KDM4B: variants seen among roughly 807,000 people sequenced by gnomAD.
KDM4B encodes the protein lysine demethylase 4B, also known as lysine-specific demethylase 4B.
In KDM4B, 32 loss-of-function variants were observed where a neutral mutation model predicts 125.2. That is an observed-to-expected ratio of 0.26 (90% CI 0.19 to 0.34). KDM4B has a LOEUF of 0.34. KDM4B is among the 10% of genes least tolerant of loss of function. KDM4B has a pLI of 1.00. For synonymous variants in KDM4B, 721 were observed against 677.9 expected (o/e 1.06, Z -0.99); for missense variants, 1,190 against 1,577.7 (o/e 0.75, Z 4.16).
chr19:5,095,312 G>A lies in KDM4B; in HGVS notation c.918+12808G>A, dbSNP rs548769147. Reference sequence around the variant, plus strand: ...TGCTATTTGGGTTGATGATTTTATCGGACCACATATAATCATTTTCTCATT... The same window carrying A: ...TGCTATTTGGGTTGATGATTTTATCAGACCACATATAATCATTTTCTCATT... On this transcript the variant is annotated intron_variant, in intron 9 of 22. Coordinates refer to ENST00000159111, the MANE Select transcript of KDM4B (RefSeq NM_015015.3). 4.6e-5 allele frequency among the ~76,000 whole-genome samples: 7 copies of A among 152,280 alleles called. No individual in the cohort carries two copies. The East Asian group carries it at 5.8e-4, about 13-fold the overall frequency.
At position 5,134,019 on chromosome 19, in the gene KDM4B, G is replaced by C; in HGVS notation, c.2043G>C (p.Glu681Asp). 2 of 1,609,074 alleles carry C rather than the reference G, an allele frequency of 1.2e-6. No individual in the cohort carries two copies. Among genetic ancestry groups the C allele is most frequent in the Non-Finnish European group, 1.7e-6 (2 of 1,178,788 alleles). Residue 681 changes from glutamate to aspartate, a missense_variant, in exon 14 of 23, where the codon GAG becomes GAC. Transcript: ENST00000159111. ...RKFNAAAART[E>D]PYCAICTLFY... ...TCAACGCAGCGGCTGCGCGCACGGA[G>C]CCCTACTGCGCCATCTGCACGCTCT...
chr19:5,146,243 C>G (rs569190675), intron 21 of KDM4B, among the ~76,000 whole-genome samples: 40 of 148,766 alleles, frequency 2.7e-4, no homozygotes, highest in African/African-American at 9.9e-4. Flanking sequence ...AGGACCCCCC[C>G]CGCTCCGCCG....
At position 5,119,944 on chromosome 19, in the gene KDM4B, C is replaced by T. The variant is rs1289183554; in HGVS notation, c.1315+92C>T. On this transcript the variant is annotated intron_variant, in intron 11 of 22. Coordinates refer to ENST00000159111, the MANE Select transcript of KDM4B (RefSeq NM_015015.3). ...AACCAGTGCCTGCTACAGCCAGAGT[C>T]CCCGTTTTGTAAGAATCTGATTCAG... 4.9e-6 allele frequency: 7 copies of T among 1,417,946 alleles called. No individual in the cohort carries two copies. The Admixed American group carries it at 1.8e-4, about 37-fold the overall frequency. 87.8% of individuals were successfully genotyped at this position (1,417,946 alleles called of 1,614,324 possible).
rs1229652396 is a variant in KDM4B, at chr19:5,093,828, G to A, written c.918+11324G>A. Among the ~76,000 whole-genome samples, 4 of 152,236 alleles carry A rather than the reference G, an allele frequency of 2.6e-5. No individual in the cohort carries two copies. The East Asian group carries it at 7.7e-4, about 29-fold the overall frequency. ...TGAGGCCATCGAGGTCCAGGGAGGA[G>A]ACAGGACACGAACAAGGGTGGAAGG... On this transcript the variant is annotated intron_variant, in intron 9 of 22. Transcript: ENST00000159111.
intron 9 of KDM4B, among the ~76,000 whole-genome samples, chr19:5,108,904 C>A (rs1224662501): frequency 6.6e-6 from 1 of 152,290 alleles, no homozygotes; most frequent in East Asian, 1.9e-4. Flanking sequence ...GACGGGGGCC[C>A]GTGCCTCTGC....
chr19:5,021,840 T>C, intron 2 of KDM4B, among the ~76,000 whole-genome samples: 1 of 152,104 alleles, frequency 6.6e-6, no homozygotes, highest in East Asian at 1.9e-4. Context: ...TTCACGGTGT[T>C]GGCCAGGATG....
intron 2 of KDM4B, among the ~76,000 whole-genome samples, chr19:5,030,470 G>T (rs1045544253): frequency 6.6e-6 from 1 of 152,226 alleles, no homozygotes; most frequent in African/African-American, 2.4e-5. Context: ...GCAGAGGGGG[G>T]TGGGCCAGCC....
chr19:5,036,108 T>C (rs1375057780), intron 3 of KDM4B, among the ~76,000 whole-genome samples: 2 of 152,154 alleles, frequency 1.3e-5, no homozygotes, highest in African/African-American at 4.8e-5. Context: ...GCAGCCAGCC[T>C]CTTTGGAGAA....
At chr19:5,060,334 G>A (rs973142795) in intron 6 of KDM4B, among the ~76,000 whole-genome samples, 1 of 150,648 alleles carries the variant, frequency 6.6e-6, no homozygotes, top group African/African-American at 2.4e-5. Context: ...AGCTACTCGG[G>A]AGGCTGAGAC....
At chr19:5,059,782 AAGCATAG>A (rs34560670) in intron 6 of KDM4B, among the ~76,000 whole-genome samples, 59,552 of 151,636 alleles carry the variant, frequency 0.39, 12,527 homozygotes, top group East Asian at 0.9. Context: ...AAATAAATGT[AAGCATAG>A]AGGCATCAGA....
At chr19:5,056,515 C>G (rs2037400684) in intron 6 of KDM4B, among the ~76,000 whole-genome samples, 1 of 151,576 alleles carries the variant, frequency 6.6e-6, no homozygotes, top group Non-Finnish European at 1.5e-5. Flanking sequence ...AAGCGATTCT[C>G]CTGCCTCAGC....
intron 1 of KDM4B, among the ~76,000 whole-genome samples, chr19:5,011,186 TGACCACGTGTCCTGCA>T: frequency 6.6e-6 from 1 of 152,300 alleles, no homozygotes. Context: ...GCCCTGGAAT[TGACCACGTGTCCTGCA>T]GGGCTCCCTG....
chr19:5,113,300 T>G (rs2039188315), intron 10 of KDM4B: 1 of 151,794 alleles, frequency 6.6e-6, no homozygotes, highest in Admixed American at 6.6e-5. Context: ...TATAATTTTC[T>G]TGAAAGCCTT....
rs536251690 is a variant in KDM4B, at chr19:5,114,027, C to A, written c.1115+3209C>A. On this transcript the variant is annotated intron_variant, in intron 10 of 22. Coordinates refer to ENST00000159111, the MANE Select transcript of KDM4B (RefSeq NM_015015.3). The surrounding 1 kb of genome is among the most constrained non-coding windows in gnomAD (Gnocchi z 5.8). ...CGTTGGGGGCTGTTTGTATTCTTCC[C>A]CCTGATGGATGGGTCGCCTAAAACT... The A allele has an allele frequency of 2.6e-5, 33 of 1,282,678 alleles. No individual in the cohort carries two copies. The highest frequency in any genetic ancestry group is 2.2e-4 in the Middle Eastern group (1 of 4,646). 79.5% of individuals were successfully genotyped at this position (1,282,678 alleles called of 1,614,324 possible). A position where few individuals can be genotyped will look rare whatever the true frequency, so the allele number is the denominator to read the frequency against.
In KDM4B at chr19:4,971,984, C is replaced by A. The variant is rs1025883580; in HGVS notation, c.-109+2754C>A. On this transcript the variant is annotated intron_variant, in intron 1 of 22. Coordinates refer to ENST00000159111, the MANE Select transcript of KDM4B (RefSeq NM_015015.3). The surrounding 1 kb of genome is among the most constrained non-coding windows in gnomAD (Gnocchi z 4.1). ...AGCTCCGCAGGCCTGCACTGGTCAC[C>A]GCCATGACAGATCGGCCGTCCTCAT... 6.6e-6 allele frequency among the ~76,000 whole-genome samples: 1 copy of A among 152,146 alleles called. No individual in the cohort carries two copies. Among genetic ancestry groups the A allele is most frequent in the Non-Finnish European group, 1.5e-5 (1 of 68,026 alleles).
intron 11 of KDM4B, among the ~76,000 whole-genome samples, chr19:5,124,749 C>T (rs2039421032): frequency 6.6e-6 from 1 of 152,196 alleles, no homozygotes; most frequent in Non-Finnish European, 1.5e-5. Flanking sequence ...GCGCCCGCCA[C>T]CATGCCCTGC....
At chr19:5,124,171 G>A (rs1206470081) in intron 11 of KDM4B, among the ~76,000 whole-genome samples, 2 of 152,160 alleles carry the variant, frequency 1.3e-5, no homozygotes, top group Admixed American at 1.3e-4. Flanking sequence ...CCAGGCTTGG[G>A]TCTGGGGACC....
intron 1 of KDM4B, among the ~76,000 whole-genome samples, chr19:4,979,624 A>C (rs918280071): frequency 6.6e-6 from 1 of 152,202 alleles, no homozygotes; most frequent in South Asian, 2.1e-4. Context: ...TCTAGTTGGC[A>C]AGTCTAGAAG....
chr19:5,137,751 C>T, intron 17 of KDM4B, 75 bp downstream of exon 17: 5 of 1,379,894 alleles, frequency 3.6e-6, no homozygotes, highest in Middle Eastern at 2.4e-4. Context: ...CAGGGTGTGA[C>T]CCCAGTGCCT....
Sources: gnomAD v4.1 joint callset for allele counts (sites outside exome capture counted in the v4.1 genomes callset) on GRCh38, gnomAD v4.1.1 for gene constraint, Gnocchi (gnomAD v3.1) non-coding constraint, MANE v1.5 for transcripts, NCBI Gene and HGNC (gene_info 2026-07-23, HGNC 2026-07-21) for gene names.